Variants in DENND5B observed in about 807,000 individuals in gnomAD.
DENND5B encodes the protein DENN domain containing 5B.
DENND5B carries 34 observed loss-of-function variants against 140.6 expected under a neutral mutation model. The ratio of observed to expected loss-of-function variants is 0.24; its 90% CI spans 0.18 to 0.32. The LOEUF (loss-of-function observed/expected upper bound fraction) is 0.32, where lower values mean the gene tolerates loss of function less well. Among genes scored for constraint, DENND5B ranks in the 10% least tolerant of loss-of-function variants. The pLI, the probability that DENND5B is intolerant of heterozygous loss-of-function variation, is 1.00. For missense variants in DENND5B, 1,142 were observed against 1,560.2 expected (o/e 0.73, Z 4.52); for synonymous variants, 551 against 562.1 (o/e 0.98, Z 0.28).
At chr12:31,430,769 A>G (rs1943476117) in intron 8 of DENND5B, among the ~76,000 whole-genome samples, 1 of 152,212 alleles carries the variant, frequency 6.6e-6, no homozygotes. Flanking sequence ...CTGAGCCCCC[A>G]GTACATATGG....
Position 31,387,446 on chromosome 12 carries a change from A to G in DENND5B, c.*157T>C, listed in dbSNP as rs1265923295. ...AAATTCCAGGTTCAAATGAACTACA[A>G]TACAACATTTTGCCTTGTCTGTAGA... is the stretch of plus-strand genomic sequence containing the variant. On this transcript the variant is annotated 3_prime_UTR_variant, in exon 21 of 21. Transcript: ENST00000389082. The G allele has an allele frequency of 3.0e-6, 2 of 665,704 alleles. No individual in the cohort carries two copies. Among genetic ancestry groups the G allele is most frequent in the Non-Finnish European group, 5.0e-6 (2 of 402,638 alleles). The allele number at this position is 665,704 out of a possible 1,614,324, so 41.2% of individuals were successfully genotyped here.
chr12:31,532,977 C>T (rs1207993118), intron 1 of DENND5B, among the ~76,000 whole-genome samples: 1 of 152,158 alleles, frequency 6.6e-6, no homozygotes, highest in African/African-American at 2.4e-5. Flanking sequence ...TTGTAGGCAT[C>T]GGTTTTCTGA....
intron 7 of DENND5B, among the ~76,000 whole-genome samples, chr12:31,441,684 A>G (rs1288671779): frequency 6.6e-6 from 1 of 151,684 alleles, no homozygotes; most frequent in Non-Finnish European, 1.5e-5. Flanking sequence ...TTTAATCCAC[A>G]ATTCTTTTTA....
chr12:31,589,083 A>G (rs1054232751), intron 1 of DENND5B, among the ~76,000 whole-genome samples: 2 of 152,238 alleles, frequency 1.3e-5, no homozygotes, highest in Non-Finnish European at 2.9e-5. Flanking sequence ...TTTTAGCTTC[A>G]GTAGGCAAAC....
At chr12:31,578,141 A>AAC in intron 1 of DENND5B, among the ~76,000 whole-genome samples, 1 of 151,614 alleles carries the variant, frequency 6.6e-6, no homozygotes, top group African/African-American at 2.4e-5. Context: ...AAAAAAAAAA[A>AAC]AAAAAAAAAA....
intron 2 of DENND5B, among the ~76,000 whole-genome samples, chr12:31,481,702 G>GAAAT (rs756284849): frequency 1.2e-4 from 18 of 152,294 alleles, no homozygotes; most frequent in East Asian, 9.6e-4. Context: ...GAAAGCAAGA[G>GAAAT]AAATAATCAG....
intron 1 of DENND5B, among the ~76,000 whole-genome samples, chr12:31,558,627 T>C (rs1054182965): frequency 2.6e-5 from 4 of 152,170 alleles, no homozygotes; most frequent in Admixed American, 6.6e-5. Context: ...CTATTACTCA[T>C]GAATAAAACA....
chr12:31,402,667 A>G (rs201326914), intron 14 of DENND5B, 24 bp from the exon 15 acceptor site: 11 of 1,581,860 alleles, frequency 7.0e-6, no homozygotes, highest in Non-Finnish European at 8.6e-7. Context: ...GCAGAAATTA[A>G]TTAAAAAGCG....
intron 1 of DENND5B, among the ~76,000 whole-genome samples, chr12:31,539,548 C>T (rs1465384138): frequency 1.3e-5 from 2 of 152,088 alleles, no homozygotes; most frequent in Non-Finnish European, 2.9e-5. Flanking sequence ...TAGGATTTAT[C>T]CCAGGGATGC....
intron 10 of DENND5B, 119 bp from the exon 11 acceptor site, chr12:31,423,794 T>C: frequency 2.2e-6 from 2 of 907,516 alleles, no homozygotes; most frequent in Non-Finnish European, 3.5e-6. Context: ...AGCTCACTCA[T>C]TCCTAGTTGT....
At position 31,570,427 on chromosome 12, in the gene DENND5B, C is replaced by T. The variant is rs1182302891; in HGVS notation, c.127+20279G>A. ...CCGAGTGGCTGAGACTACAGGCGCC[C>T]GCCACCACACCCGGCTAATTTTTGT... On this transcript the variant is annotated intron_variant, in intron 1 of 20. Transcript: ENST00000389082. Among the ~76,000 whole-genome samples the T allele has an allele frequency of 9.9e-5, 15 of 151,156 alleles. No individual in the cohort carries two copies. The East Asian group carries it at 1.8e-3, about 18-fold the overall frequency.
At chr12:31,543,896 C>T (rs1254863393) in intron 1 of DENND5B, among the ~76,000 whole-genome samples, 1 of 152,174 alleles carries the variant, frequency 6.6e-6, no homozygotes, top group South Asian at 2.1e-4. Context: ...ATGGCCGGCA[C>T]AATGGCTCAC....
intron 10 of DENND5B, among the ~76,000 whole-genome samples, chr12:31,424,077 C>A (rs571958262): frequency 1.3e-5 from 2 of 150,286 alleles, no homozygotes; most frequent in African/African-American, 4.9e-5. Flanking sequence ...TATGGAGTGG[C>A]GATAAGAGAA....
chr12:31,433,364 T>A (rs935571517), intron 7 of DENND5B, 116 bp from the exon 8 acceptor site: 37 of 877,280 alleles, frequency 4.2e-5, no homozygotes, highest in Non-Finnish European at 5.3e-5. Flanking sequence ...AAAAAATATA[T>A]AGCAGCTTTG....
chr12:31,506,134 T>C lies in DENND5B; in HGVS notation c.128-10215A>G, dbSNP rs957502957. Among the ~76,000 whole-genome samples the C allele has an allele frequency of 4.6e-5, 7 of 152,292 alleles. No homozygotes were observed. The East Asian group carries it at 1.2e-3, about 25-fold the overall frequency. ...CAGGCATGAGCCACCTTGCCTAGAC[T>C]TAGTTAAGATTTTAGTAAGAGTACA... On this transcript the variant is annotated intron_variant, in intron 1 of 20. Transcript: ENST00000389082.
chr12:31,508,951 A>C (rs191228527), intron 1 of DENND5B, among the ~76,000 whole-genome samples: 245 of 152,146 alleles, frequency 1.6e-3, no homozygotes, highest in Admixed American at 2.9e-3. Flanking sequence ...CCTTTGGGGG[A>C]GGGGCGAGGT....
intron 1 of DENND5B, among the ~76,000 whole-genome samples, chr12:31,509,066 T>C (rs567253673): frequency 2.0e-5 from 3 of 152,288 alleles, no homozygotes; most frequent in Admixed American, 1.3e-4. Context: ...CCCTTCTCCA[T>C]GGGAAAAACA....
chr12:31,569,404 G>A (rs955468840), intron 1 of DENND5B, among the ~76,000 whole-genome samples: 1 of 152,076 alleles, frequency 6.6e-6, no homozygotes, highest in Non-Finnish European at 1.5e-5. Context: ...ATCTGGCTCT[G>A]GAAACAAAAA....
chr12:31,550,239 AGT>A (rs1199077167), intron 1 of DENND5B, among the ~76,000 whole-genome samples: 1 of 96,692 alleles, frequency 1.0e-5, no homozygotes, highest in African/African-American at 4.2e-5. Context: ...AACAGTCCCC[AGT>A]GTGTGATGTT....
Sources: gnomAD v4.1 joint callset for allele counts (sites outside exome capture counted in the v4.1 genomes callset) on GRCh38, gnomAD v4.1.1 for gene constraint, MANE v1.5 for transcripts, NCBI Gene and HGNC (gene_info 2026-07-23, HGNC 2026-07-21) for gene names.